SCAMP1: variants seen among roughly 807,000 people sequenced by gnomAD.
SCAMP1 encodes the protein secretory carrier membrane protein 1, also known as secretory carrier-associated membrane protein 1.
In SCAMP1, 15 loss-of-function variants were observed where a neutral mutation model predicts 41.8. The observed-to-expected ratio is 0.36, with a 90% CI of 0.24 to 0.55. SCAMP1 has a LOEUF of 0.55. SCAMP1 is among the 20% of genes least tolerant of loss of function. The pLI is 0.86. For missense variants in SCAMP1, 341 were observed against 412.6 expected (o/e 0.83, Z 1.50); for synonymous variants, 135 against 136.8 (o/e 0.99, Z 0.09).
intron 8 of SCAMP1, among the ~76,000 whole-genome samples, chr5:78,459,879 A>C (rs751314903): frequency 5.3e-5 from 8 of 152,078 alleles, no homozygotes; most frequent in Admixed American, 1.3e-4. Context: ...TAGTGAACAT[A>C]GTACCCGATA....
intron 8 of SCAMP1, among the ~76,000 whole-genome samples, chr5:78,464,420 A>G (rs61599457): frequency 0.035 from 5,384 of 152,262 alleles, 342 homozygotes; most frequent in African/African-American, 0.12. Flanking sequence ...CACCACGCAC[A>G]GCCACTTCCA....
chr5:78,368,455 T>C (rs1750853658), intron 1 of SCAMP1, among the ~76,000 whole-genome samples: 1 of 152,250 alleles, frequency 6.6e-6, no homozygotes, highest in South Asian at 2.1e-4. Flanking sequence ...TTAATAGTGA[T>C]AAATGCAGAT....
intron 6 of SCAMP1, among the ~76,000 whole-genome samples, chr5:78,443,023 G>A (rs62364272): frequency 0.019 from 2,926 of 152,032 alleles, 37 homozygotes; most frequent in Non-Finnish European, 0.027. Context: ...TGGCTAACAC[G>A]GTGAATCCCT....
At chr5:78,372,275 C>T (rs1178062948) in intron 1 of SCAMP1, among the ~76,000 whole-genome samples, 1 of 152,166 alleles carries the variant, frequency 6.6e-6, no homozygotes, top group Non-Finnish European at 1.5e-5. Context: ...AAAAGAGCAT[C>T]AGGAGTATTG....
At chr5:78,375,371 C>A (rs971475693) in intron 1 of SCAMP1, among the ~76,000 whole-genome samples, 1 of 151,946 alleles carries the variant, frequency 6.6e-6, no homozygotes, top group African/African-American at 2.4e-5. Context: ...TGACTTTGGG[C>A]AAATTACTAA....
At chr5:78,426,494 G>A (rs1489928584) in intron 6 of SCAMP1, among the ~76,000 whole-genome samples, 2 of 152,178 alleles carry the variant, frequency 1.3e-5, no homozygotes, top group Admixed American at 6.5e-5. Flanking sequence ...ACTGGCATGA[G>A]ATTGTATCTC....
chr5:78,379,779 C>T (rs1248341341), intron 1 of SCAMP1, among the ~76,000 whole-genome samples: 2 of 152,184 alleles, frequency 1.3e-5, no homozygotes, highest in Non-Finnish European at 2.9e-5. Context: ...GAGTTGGACT[C>T]GTACTTCTGT....
rs1331453020 is a variant in SCAMP1, at chr5:78,476,631, T to C, written c.*963T>C. On this transcript the variant is annotated 3_prime_UTR_variant, in exon 9 of 9. Coordinates refer to ENST00000621999, the MANE Select transcript of SCAMP1 (RefSeq NM_004866.6). ...TTAACAGAGGTATTAAAGGCTAGCC[T>C]AACTGTTGTCTAAAAAGATTGTACA... 6.6e-6 allele frequency: 1 copy of C among 152,528 alleles called. No individual in the cohort carries two copies. Among genetic ancestry groups the C allele is most frequent in the African/African-American group, 2.4e-5 (1 of 41,444 alleles). The allele number at this position is 152,528 out of a possible 1,614,324, so 9.4% of individuals were successfully genotyped here.
Position 78,480,309 on chromosome 5 carries a change from ATAT to A in SCAMP1, c.*4645_*4647del, listed in dbSNP as rs1299838533. ...ACCTAGTAATATAAGATTACTGTGAATATTATCTTCTATACATTAAAACAGTTC... is the reference window on the plus strand; with the variant it reads ...ACCTAGTAATATAAGATTACTGTGAATATCTTCTATACATTAAAACAGTTC... On this transcript the variant is annotated 3_prime_UTR_variant, in exon 9 of 9. Coordinates refer to ENST00000621999, the MANE Select transcript of SCAMP1 (RefSeq NM_004866.6). Among the ~76,000 whole-genome samples, 2 of 152,238 alleles carry A rather than the reference ATAT, an allele frequency of 1.3e-5. No individual in the cohort carries two copies. The highest frequency in any genetic ancestry group is 1.3e-4 in the Admixed American group (2 of 15,292).
intron 7 of SCAMP1, among the ~76,000 whole-genome samples, chr5:78,457,090 A>G (rs1254912756): frequency 1.5e-5 from 2 of 130,990 alleles, no homozygotes; most frequent in Non-Finnish European, 3.2e-5. Flanking sequence ...ATTCTTCTAA[A>G]TTTTTTTCAA....
At chr5:78,400,289 T>G (rs1381999116) in intron 2 of SCAMP1, among the ~76,000 whole-genome samples, 1 of 152,238 alleles carries the variant, frequency 6.6e-6, no homozygotes, top group Non-Finnish European at 1.5e-5. Flanking sequence ...GTAAGTGAAC[T>G]CTAGTAGTGT....
Position 78,479,557 on chromosome 5 carries a change from G to A in SCAMP1, c.*3889G>A, listed in dbSNP as rs905085940. ...AAACTTTAGGACTTTATCACAGTAT[G>A]TAGAGAGCTAGAAATAAATCTAGAA... On this transcript the variant is annotated 3_prime_UTR_variant, in exon 9 of 9. Transcript: ENST00000621999. Among the ~76,000 whole-genome samples, 3 of 152,200 alleles carry A rather than the reference G, an allele frequency of 2.0e-5. No individual in the cohort carries two copies. Among genetic ancestry groups the A allele is most frequent in the Admixed American group, 6.5e-5 (1 of 15,276 alleles).
intron 8 of SCAMP1, 22 bp downstream of exon 8, chr5:78,459,384 A>G (rs779616259): frequency 8.6e-7 from 1 of 1,167,266 alleles, no homozygotes; most frequent in Non-Finnish European, 1.3e-6. Context: ...TTTATGTCTA[A>G]ATTTTTATAG....
At chr5:78,447,190 G>A (rs921514292) in intron 6 of SCAMP1, among the ~76,000 whole-genome samples, 1 of 152,176 alleles carries the variant, frequency 6.6e-6, no homozygotes, top group Admixed American at 6.5e-5. Flanking sequence ...TGTCTTCCAC[G>A]AAACAGGTCC....
intron 8 of SCAMP1, among the ~76,000 whole-genome samples, chr5:78,474,383 C>G (rs1470215966): frequency 6.6e-6 from 1 of 152,150 alleles, no homozygotes; most frequent in African/African-American, 2.4e-5. Flanking sequence ...CTTTACCTGC[C>G]TGCTGTGGCA....
At chr5:78,378,784 C>T (rs1416254158) in intron 1 of SCAMP1, among the ~76,000 whole-genome samples, 2 of 152,154 alleles carry the variant, frequency 1.3e-5, no homozygotes, top group African/African-American at 2.4e-5. Flanking sequence ...TTACTTGCTA[C>T]TTAGAAGTTA....
At chr5:78,448,158 T>C (rs78163153) in intron 6 of SCAMP1, among the ~76,000 whole-genome samples, 2,002 of 110,368 alleles carry the variant, frequency 0.018, 89 homozygotes, top group African/African-American at 0.069. Context: ...TCTTCCTCCT[T>C]CTCCTCCTCC....
intron 1 of SCAMP1, among the ~76,000 whole-genome samples, chr5:78,367,400 C>T (rs1373405969): frequency 1.3e-5 from 2 of 152,008 alleles, no homozygotes; most frequent in African/African-American, 4.8e-5. Flanking sequence ...CTTCAGTCAC[C>T]TGGTTTATGG....
intron 2 of SCAMP1, among the ~76,000 whole-genome samples, chr5:78,398,071 C>G (rs980216104): frequency 6.6e-6 from 1 of 152,154 alleles, no homozygotes; most frequent in Non-Finnish European, 1.5e-5. Flanking sequence ...GTGGAGTTAC[C>G]ATATGACCCT....
Sources: allele counts gnomAD v4.1 joint callset (sites outside exome capture counted in the v4.1 genomes callset), GRCh38; gene constraint gnomAD v4.1.1; transcripts MANE v1.5; gene names NCBI Gene and HGNC (gene_info 2026-07-23, HGNC 2026-07-21).